The following ANKRD44 variants were observed in gnomAD, a reference collection of about 807,000 sequenced individuals.
The protein encoded by ANKRD44 is ankyrin repeat domain 44, also known as serine/threonine-protein phosphatase 6 regulatory ankyrin repeat subunit B.
In ANKRD44, 35 loss-of-function variants were observed where a neutral mutation model predicts 116.0. The observed-to-expected ratio is 0.30, with a 90% CI of 0.23 to 0.40. ANKRD44 has a LOEUF of 0.40. Among genes scored for constraint, ANKRD44 ranks in the 10% least tolerant of loss-of-function variants. The pLI, the probability that ANKRD44 is intolerant of heterozygous loss-of-function variation, is 1.00. For synonymous variants in ANKRD44, 435 were observed against 461.8 expected (o/e 0.94, Z 0.74); for missense variants, 1,014 against 1,242.6 (o/e 0.82, Z 2.77).
At chr2:197,165,449 G>A (rs1309552320) in intron 2 of ANKRD44, among the ~76,000 whole-genome samples, 1 of 152,202 alleles carries the variant, frequency 6.6e-6, no homozygotes, top group Non-Finnish European at 1.5e-5. Flanking sequence ...GTGACAGAAA[G>A]GTCGAGTGAG....
At position 197,013,586 on chromosome 2, in the gene ANKRD44, C is replaced by G; in HGVS notation, c.1849G>C (p.Glu617Gln). The part of the protein sequence containing the change: ...AAFKGHTECV[E>Q]ALINQGASIF... ...GATGCGCCCTGATTGATAAGCGCTT[C>G]CACACATTCTGTGTGTCCTTTAAAG... The change falls in exon 18 of 28, where the codon GAA becomes CAA. Residue 617 changes from glutamate (E) to glutamine (Q), a missense_variant. Coordinates refer to ENST00000282272, the MANE Select transcript of ANKRD44 (RefSeq NM_001195144.2). 2 of 1,614,202 alleles carry G rather than the reference C, an allele frequency of 1.2e-6. No individual in the cohort carries two copies. Among genetic ancestry groups the G allele is most frequent in the South Asian group, 2.2e-5 (2 of 91,088 alleles).
chr2:197,269,717 A>G lies in ANKRD44; in HGVS notation c.27+40861T>C, dbSNP rs2082844206. 2.0e-5 allele frequency among the ~76,000 whole-genome samples: 3 copies of G among 152,166 alleles called. No individual in the cohort carries two copies. The South Asian group carries it at 6.2e-4, about 32-fold the overall frequency. ...ACCATGCTAGGTACTGGGAGGACAA[A>G]GCCAGGAAAATACACACTCAAAGTG... On this transcript the variant is annotated intron_variant, in intron 1 of 27. Coordinates refer to ENST00000282272, the MANE Select transcript of ANKRD44 (RefSeq NM_001195144.2).
At chr2:197,267,168 C>T (rs2082763393) in intron 1 of ANKRD44, among the ~76,000 whole-genome samples, 1 of 152,184 alleles carries the variant, frequency 6.6e-6, no homozygotes, top group Admixed American at 6.5e-5. Flanking sequence ...AGCATTCTTC[C>T]TTACCATCTT....
intron 1 of ANKRD44, among the ~76,000 whole-genome samples, chr2:197,206,817 AAG>A (rs1327105921): frequency 2.6e-5 from 4 of 152,208 alleles, no homozygotes; most frequent in African/African-American, 9.7e-5. Flanking sequence ...TCAATTGTCA[AAG>A]AGTCATTAAG....
chr2:197,207,655 T>C (rs920042829), intron 1 of ANKRD44, among the ~76,000 whole-genome samples: 2 of 152,194 alleles, frequency 1.3e-5, no homozygotes, highest in East Asian at 1.9e-4. Flanking sequence ...ATGGTGCTCT[T>C]TCATGAGATT....
At position 197,083,390 on chromosome 2, in the gene ANKRD44, G is replaced by T; in HGVS notation, c.1436C>A (p.Ala479Asp). Residue 479 changes from alanine to aspartate, a missense_variant, in exon 14 of 28, where the codon GCT (alanine) becomes GAT (aspartate). Ala to Asp is a moderately radical substitution (Grantham distance 126). Coordinates refer to ENST00000282272, the MANE Select transcript of ANKRD44 (RefSeq NM_001195144.2). ...TTACTTTCTATCCATGTCTGATGCA[G>T]CGGCGTAATGCAAAGCTGTGCGTCC... The part of the protein sequence containing the change: ...DWGRTALHYA[A>D]ASDMDRNKTI... 6.2e-7 allele frequency: 1 copy of T among 1,613,166 alleles called. No individual in the cohort carries two copies. The highest frequency in any genetic ancestry group is 8.5e-7 in the Non-Finnish European group (1 of 1,179,674).
intron 9 of ANKRD44, among the ~76,000 whole-genome samples, chr2:197,109,543 T>C (rs2078516197): frequency 6.6e-6 from 1 of 152,242 alleles, no homozygotes; most frequent in South Asian, 2.1e-4. Flanking sequence ...TCCATCCAAA[T>C]GTCAAATGAC....
At chr2:197,000,538 C>G in intron 22 of ANKRD44, 36 bp from the exon 23 acceptor site, 3 of 1,536,588 alleles carry the variant, frequency 2.0e-6, no homozygotes, top group South Asian at 1.1e-5. Context: ...AACAATCTCA[C>G]TCTTTTAAAT....
intron 1 of ANKRD44, among the ~76,000 whole-genome samples, chr2:197,278,511 C>T (rs1191904606): frequency 1.3e-5 from 2 of 152,222 alleles, no homozygotes; most frequent in South Asian, 2.1e-4. Context: ...CACGCACCAC[C>T]ACGCCCGGTT....
intron 16 of ANKRD44, among the ~76,000 whole-genome samples, chr2:197,072,081 AGG>A (rs553095976): frequency 7.1e-6 from 1 of 141,398 alleles, no homozygotes; most frequent in South Asian, 2.3e-4. Flanking sequence ...GAAGGAAGGA[AGG>A]AAGGAAGGAA....
rs2075863102 is a variant in ANKRD44 at position 196,988,358 on chromosome 2, C to G, written c.*1233G>C. 2 of 985,336 alleles carry G rather than the reference C, an allele frequency of 2.0e-6. No individual in the cohort carries two copies. The highest frequency in any genetic ancestry group is 9.4e-5 in the South Asian group (2 of 21,284). 61.0% of individuals were successfully genotyped at this position (985,336 alleles called of 1,614,324 possible). On this transcript the variant is annotated 3_prime_UTR_variant, in exon 28 of 28. Coordinates refer to ENST00000282272, the MANE Select transcript of ANKRD44 (RefSeq NM_001195144.2). ...TCATTATTGCTCATTAGCAATTTATCTGCTTTTTAAAAATTCATCTTCTCT... is the reference window on the plus strand; with the variant it reads ...TCATTATTGCTCATTAGCAATTTATGTGCTTTTTAAAAATTCATCTTCTCT...
chr2:197,152,738 C>A (rs574324608), intron 2 of ANKRD44, among the ~76,000 whole-genome samples: 6 of 152,262 alleles, frequency 3.9e-5, no homozygotes, highest in African/African-American at 1.2e-4. Context: ...GGGCACCCTA[C>A]GCCTGTTTTG....
chr2:197,075,439 C>T (rs576793728), intron 16 of ANKRD44, among the ~76,000 whole-genome samples: 2 of 152,174 alleles, frequency 1.3e-5, no homozygotes, highest in Non-Finnish European at 2.9e-5. Flanking sequence ...AAGTCTCCCC[C>T]ACTTTGCTTT....
At chr2:197,204,439 A>G (rs1397836120) in intron 1 of ANKRD44, among the ~76,000 whole-genome samples, 7 of 152,216 alleles carry the variant, frequency 4.6e-5, no homozygotes, top group Admixed American at 1.3e-4. Context: ...GACACTTTGC[A>G]TCACAGCTAG....
intron 1 of ANKRD44, among the ~76,000 whole-genome samples, chr2:197,235,684 G>C (rs191941432): frequency 6.6e-6 from 1 of 150,450 alleles, no homozygotes; most frequent in Non-Finnish European, 1.5e-5. Flanking sequence ...AACAGCTGGG[G>C]AGATATATAA....
chr2:197,028,457 G>C (rs1322563918), intron 16 of ANKRD44, among the ~76,000 whole-genome samples: 2 of 152,188 alleles, frequency 1.3e-5, no homozygotes, highest in Non-Finnish European at 2.9e-5. Flanking sequence ...GCCTCGATAT[G>C]TGCTATGATG....
intron 4 of ANKRD44, among the ~76,000 whole-genome samples, chr2:197,127,656 T>A (rs1574506921): frequency 6.6e-6 from 1 of 152,322 alleles, no homozygotes; most frequent in East Asian, 1.9e-4. Context: ...TTTTCTTCTG[T>A]TAAATTTTTT....
intron 2 of ANKRD44, among the ~76,000 whole-genome samples, chr2:197,164,306 C>G (rs1157402317): frequency 2.6e-5 from 4 of 152,206 alleles, no homozygotes; most frequent in Non-Finnish European, 5.9e-5. Context: ...GGTTCTTGAC[C>G]CCTCTCTGGC....
intron 2 of ANKRD44, among the ~76,000 whole-genome samples, chr2:197,186,591 C>T (rs1198494791): frequency 7.1e-6 from 1 of 141,694 alleles, no homozygotes; most frequent in East Asian, 2.1e-4. Flanking sequence ...GTGCCTCCAT[C>T]ACTATGCCCG....
Sources: allele counts gnomAD v4.1 joint callset (sites outside exome capture counted in the v4.1 genomes callset), GRCh38; gene constraint gnomAD v4.1.1; transcripts MANE v1.5; gene names NCBI Gene and HGNC (gene_info 2026-07-23, HGNC 2026-07-21).